RPTOR: variants seen among roughly 807,000 people sequenced by gnomAD.
RPTOR encodes the protein regulatory associated protein of MTOR complex 1.
In RPTOR, 21 loss-of-function variants were observed where a neutral mutation model predicts 169.9. The observed-to-expected ratio is 0.12, with a 90% CI of 0.09 to 0.18. RPTOR has a LOEUF of 0.18. RPTOR is among the 10% of genes least tolerant of loss of function. The pLI is 1.00. For synonymous variants in RPTOR, 732 were observed against 753.2 expected (o/e 0.97, Z 0.46); for missense variants, 1,133 against 1,855.9 (o/e 0.61, Z 7.16).
chr17:80,864,049 G>A (rs2067952009), intron 13 of RPTOR, among the ~76,000 whole-genome samples: 1 of 152,170 alleles, frequency 6.6e-6, no homozygotes, highest in Non-Finnish European at 1.5e-5. Flanking sequence ...ACTATTTGGG[G>A]GTCCATAAAG....
chr17:80,832,572 C>T (rs1035930868), intron 9 of RPTOR, among the ~76,000 whole-genome samples: 1 of 152,190 alleles, frequency 6.6e-6, no homozygotes, highest in Non-Finnish European at 1.5e-5. Flanking sequence ...GTTTCAGACG[C>T]TCAGACGGAG....
chr17:80,644,732 T>C (rs1443842367), intron 3 of RPTOR, among the ~76,000 whole-genome samples: 3 of 152,338 alleles, frequency 2.0e-5, no homozygotes, highest in African/African-American at 7.2e-5. Context: ...GATTTAGAGA[T>C]TCCTTATACA....
At chr17:80,871,201 G>A (rs2068048385) in intron 13 of RPTOR, among the ~76,000 whole-genome samples, 1 of 152,080 alleles carries the variant, frequency 6.6e-6, no homozygotes, top group Non-Finnish European at 1.5e-5. Flanking sequence ...TGCCTCCTGT[G>A]TTCACGCCAT....
intron 13 of RPTOR, among the ~76,000 whole-genome samples, chr17:80,872,210 G>A (rs2068059274): frequency 6.6e-6 from 1 of 152,356 alleles, no homozygotes; most frequent in East Asian, 1.9e-4. Flanking sequence ...CACAGAAGCT[G>A]TCATCAGCGA....
In RPTOR at chr17:80,861,888, C is replaced by T. The variant is rs1379498640; in HGVS notation, c.1509+3988C>T. Among the ~76,000 whole-genome samples the T allele has an allele frequency of 5.3e-5, 8 of 152,194 alleles. No individual in the cohort carries two copies. The highest frequency in any genetic ancestry group is 8.8e-5 in the Non-Finnish European group (6 of 68,034). ...GGGACAGCCTTCCTCGTACCTTCCT[C>T]GTGACATTCTCACTGCATCCACAGC... On this transcript the variant is annotated intron_variant, in intron 13 of 33. Coordinates refer to ENST00000306801, the MANE Select transcript of RPTOR (RefSeq NM_020761.3). The surrounding 1 kb of genome is among the most constrained non-coding windows in gnomAD (Gnocchi z 4.5).
rs2066574169 is a variant in RPTOR, at chr17:80,746,289, TGCTTTCTGCGGGTGATC to T, written c.655-7720_655-7704del. ...GTGATCCCCACCGCCCCCACAGCGG[TGCTTTCTGCGGGTGATC>T]CCCACCGCCCCCACAGCGGTGCTTT... is the stretch of plus-strand genomic sequence containing the variant. On this transcript the variant is annotated intron_variant, in intron 5 of 33. Transcript: ENST00000306801. The surrounding 1 kb of genome is among the most constrained non-coding windows in gnomAD (Gnocchi z 4.5). Among the ~76,000 whole-genome samples, 1 of 129,852 alleles carries T rather than the reference TGCTTTCTGCGGGTGATC, an allele frequency of 7.7e-6. No individual in the cohort carries two copies. Among genetic ancestry groups the T allele is most frequent in the South Asian group, 2.5e-4 (1 of 4,046 alleles). 85.2% of individuals were successfully genotyped at this position (129,852 alleles called of 152,430 possible).
chr17:80,634,367 A>ACTGTTTGTGTGCG (rs1567830702), intron 2 of RPTOR, among the ~76,000 whole-genome samples: 2 of 59,574 alleles, frequency 3.4e-5, no homozygotes, highest in African/African-American at 1.7e-4. Flanking sequence ...CTGTGTGTGC[A>ACTGTTTGTGTGCG]TACTGTGTGT....
At chr17:80,585,274 G>A (rs960991674) in intron 1 of RPTOR, among the ~76,000 whole-genome samples, 15 of 150,516 alleles carry the variant, frequency 1.0e-4, no homozygotes, top group African/African-American at 3.7e-4. Context: ...GTGCGATCTC[G>A]ACTCACTGCA....
At chr17:80,558,741 C>T (rs942095451) in intron 1 of RPTOR, among the ~76,000 whole-genome samples, 2 of 152,130 alleles carry the variant, frequency 1.3e-5, no homozygotes, top group African/African-American at 4.8e-5. Context: ...GGACCTGTAT[C>T]ATGGATATGT....
At position 80,883,906 on chromosome 17, in the gene RPTOR, G is replaced by A. The variant is rs759270487; in HGVS notation, c.1776G>A (p.Arg592=). Residue 592 remains arginine (R), a synonymous_variant, in exon 16 of 34, where the codon AGG becomes AGA. Transcript: ENST00000306801. Reference sequence around the variant, plus strand: ...TCTGGCAGAACTTCGACTCGGCGAGGTGGTGCGGCGTGAGGGACAGCGCTC... The same window carrying A: ...TCTGGCAGAACTTCGACTCGGCGAGATGGTGCGGCGTGAGGGACAGCGCTC... ...GRIWQNFDSA[R]WCGVRDSAHE... 6.2e-7 allele frequency: 1 copy of A among 1,613,578 alleles called. No homozygotes were observed. The highest frequency in any genetic ancestry group is 8.5e-7 in the Non-Finnish European group (1 of 1,180,038).
Position 80,708,955 on chromosome 17 carries a change from C to T in RPTOR, c.507+956C>T, listed in dbSNP as rs1384919549. On this transcript the variant is annotated intron_variant, in intron 4 of 33. Transcript: ENST00000306801. This position sits in a 1 kb window ranked among gnomAD's most constrained non-coding sequence, Gnocchi z 4.2. ...GCCATCATAGTGAGGACTCTGACTC[C>T]GTTTCTTCACACACTGAACTCTCGG... 4.1e-6 allele frequency: 4 copies of T among 985,676 alleles called. No homozygotes were observed. The highest frequency in any genetic ancestry group is 4.7e-5 in the South Asian group (1 of 21,274). 61.1% of individuals were successfully genotyped at this position (985,676 alleles called of 1,614,324 possible). A position where few individuals can be genotyped will look rare whatever the true frequency, so the allele number is the denominator to read the frequency against.
intron 4 of RPTOR, among the ~76,000 whole-genome samples, chr17:80,717,073 A>G (rs2066245136): frequency 6.6e-6 from 1 of 151,914 alleles, no homozygotes; most frequent in African/African-American, 2.4e-5. Context: ...GTTCCATATG[A>G]GTTTTAGAAT....
chr17:80,814,717 C>T (rs1452812602), intron 7 of RPTOR, among the ~76,000 whole-genome samples: 3 of 152,182 alleles, frequency 2.0e-5, no homozygotes, highest in Admixed American at 6.6e-5. Context: ...TCGACTTTCA[C>T]GCTAAGCATC....
At chr17:80,881,631 C>T (rs951940482) in intron 14 of RPTOR, among the ~76,000 whole-genome samples, 10 of 152,264 alleles carry the variant, frequency 6.6e-5, no homozygotes, top group Non-Finnish European at 1.5e-4. Context: ...CCAGCCTGGG[C>T]GACATGGTGA....
At chr17:80,854,856 A>C (rs2067835513) in intron 11 of RPTOR, among the ~76,000 whole-genome samples, 1 of 152,240 alleles carries the variant, frequency 6.6e-6, no homozygotes, top group South Asian at 2.1e-4. Context: ...TCTGGCATCT[A>C]TACTCTAGCT....
chr17:80,638,674 C>T (rs1295387744), intron 2 of RPTOR, among the ~76,000 whole-genome samples: 1 of 152,138 alleles, frequency 6.6e-6, no homozygotes, highest in East Asian at 1.9e-4. Context: ...TCTCTGCTTC[C>T]CCTCTGAAGG....
chr17:80,812,588 C>T (rs1485711129), intron 7 of RPTOR, among the ~76,000 whole-genome samples: 1 of 152,116 alleles, frequency 6.6e-6, no homozygotes, highest in Admixed American at 6.5e-5. Flanking sequence ...TGCTGGGTCC[C>T]TTTTTTGGAG....
chr17:80,958,200 C>CA (rs1568010899), intron 29 of RPTOR, among the ~76,000 whole-genome samples: 1 of 39,650 alleles, frequency 2.5e-5, no homozygotes, highest in African/African-American at 8.8e-5. Context: ...CCACCTCACC[C>CA]CCCCCCCCCA....
At chr17:80,797,840 T>C (rs1439592199) in intron 7 of RPTOR, among the ~76,000 whole-genome samples, 1 of 152,168 alleles carries the variant, frequency 6.6e-6, no homozygotes, top group Non-Finnish European at 1.5e-5. Context: ...CAGGGCCCCT[T>C]TTTCCCACGG....
Sources: gnomAD v4.1 joint callset for allele counts (sites outside exome capture counted in the v4.1 genomes callset) on GRCh38, gnomAD v4.1.1 for gene constraint, Gnocchi (gnomAD v3.1) non-coding constraint, MANE v1.5 for transcripts, NCBI Gene and HGNC (gene_info 2026-07-23, HGNC 2026-07-21) for gene names.